LDHAL6A: variants seen among roughly 807,000 people sequenced by gnomAD.
LDHAL6A encodes the protein L-lactate dehydrogenase A-like 6A.
In LDHAL6A, 19 loss-of-function variants were observed where a neutral mutation model predicts 28.2. That is an observed-to-expected ratio of 0.67 (90% confidence interval 0.47 to 0.99). The LOEUF is 0.99. LDHAL6A is among the 50% of genes least tolerant of loss of function. LDHAL6A has a pLI of 0.00. For missense variants in LDHAL6A, 372 were observed against 398.6 expected (o/e 0.93, Z 0.57); for synonymous variants, 144 against 134.4 (o/e 1.07, Z -0.49).
At chr11:18,457,774 CAGG>C (rs1848795345) in intron 1 of LDHAL6A, among the ~76,000 whole-genome samples, 1 of 152,114 alleles carries the variant, frequency 6.6e-6, no homozygotes, top group Admixed American at 6.6e-5. Flanking sequence ...TGGCCTCAAG[CAGG>C]AGGTCTCGGC....
intron 3 of LDHAL6A, among the ~76,000 whole-genome samples, chr11:18,471,405 T>C (rs984230683): frequency 6.6e-6 from 1 of 151,772 alleles, no homozygotes; most frequent in Non-Finnish European, 1.5e-5. Flanking sequence ...AGCTGGAGTT[T>C]TGCCATGTTG....
At chr11:18,462,699 G>A (rs1297168419) in intron 1 of LDHAL6A, among the ~76,000 whole-genome samples, 4 of 150,386 alleles carry the variant, frequency 2.7e-5, no homozygotes, top group Non-Finnish European at 4.4e-5. Context: ...TGGGCATGGT[G>A]GTGCATGCCT....
intron 3 of LDHAL6A, chr11:18,468,239 C>G (rs1429709673): frequency 1.3e-5 from 2 of 150,294 alleles, no homozygotes; most frequent in Non-Finnish European, 3.0e-5. Flanking sequence ...CCAGTATTTT[C>G]TCTTTGGCTT....
At chr11:18,473,215 A>G (rs980570182) in intron 3 of LDHAL6A, among the ~76,000 whole-genome samples, 2 of 152,236 alleles carry the variant, frequency 1.3e-5, no homozygotes. Flanking sequence ...GTAAACATGT[A>G]TCAAAGAGAT....
At chr11:18,461,225 A>G (rs1489465889) in intron 1 of LDHAL6A, among the ~76,000 whole-genome samples, 1 of 150,390 alleles carries the variant, frequency 6.6e-6, no homozygotes, top group Non-Finnish European at 1.5e-5. Flanking sequence ...GCTCACTTCA[A>G]CCTCTGCCTC....
chr11:18,462,434 A>C (rs149110333), intron 1 of LDHAL6A, among the ~76,000 whole-genome samples: 2 of 151,502 alleles, frequency 1.3e-5, no homozygotes, highest in South Asian at 2.1e-4. Context: ...TCAGGAGATC[A>C]AGACCATCCT....
At chr11:18,468,003 G>GTA (rs1158619010) in intron 3 of LDHAL6A, among the ~76,000 whole-genome samples, 18 of 61,586 alleles carry the variant, frequency 2.9e-4, no homozygotes, top group African/African-American at 1.0e-3. Context: ...ATATATATAC[G>GTA]TATATATATA....
chr11:18,478,135 A>T (rs1418292122), intron 6 of LDHAL6A, among the ~76,000 whole-genome samples: 1 of 152,148 alleles, frequency 6.6e-6, no homozygotes, highest in Non-Finnish European at 1.5e-5. Flanking sequence ...AATAATTAGC[A>T]GTTAGTCTCC....
chr11:18,458,272 G>A (rs952841021), intron 1 of LDHAL6A, among the ~76,000 whole-genome samples: 1 of 152,160 alleles, frequency 6.6e-6, no homozygotes, highest in Admixed American at 6.5e-5. Context: ...AGAAGGGCAG[G>A]AGTGCATTCC....
At chr11:18,478,566 A>C (rs1849451683) in intron 6 of LDHAL6A, 140 bp from the exon 7 acceptor site, 1 of 645,276 alleles carries the variant, frequency 1.5e-6, no homozygotes, top group Non-Finnish European at 2.6e-6. Context: ...TCTCAAAAAA[A>C]AAAGAAAAAA....
intron 3 of LDHAL6A, among the ~76,000 whole-genome samples, chr11:18,474,357 G>C (rs867716917): frequency 2.6e-5 from 4 of 151,906 alleles, no homozygotes; most frequent in African/African-American, 7.3e-5. Flanking sequence ...GATTACAGGC[G>C]TGAGTCACCA....
intron 5 of LDHAL6A, chr11:18,476,838 C>T (rs1267486506): frequency 6.3e-6 from 1 of 158,526 alleles, no homozygotes; most frequent in African/African-American, 2.4e-5. Context: ...GTACTTGTAA[C>T]TCAAATGTTT....
chr11:18,471,117 AG>A (rs1849247931), intron 3 of LDHAL6A, among the ~76,000 whole-genome samples: 1 of 151,958 alleles, frequency 6.6e-6, no homozygotes, highest in African/African-American at 2.4e-5. Flanking sequence ...GCAATTAGTA[AG>A]GGTTTCTTAT....
rs757519126 is a variant in LDHAL6A at position 18,465,798 on chromosome 11, G to C, written c.406G>C (p.Val136Leu). The change falls in exon 3 of 7, where the codon GTT (valine) becomes CTT (leucine). Residue 136 changes from valine to leucine, a missense_variant. Around this residue, in one of 3 missense-constraint regions of LDHAL6A, gnomAD observed 291 missense variants for 302.9 expected, o/e 0.96. Coordinates refer to ENST00000280706, the MANE Select transcript of LDHAL6A (RefSeq NM_144972.5). ...CAGTCCTCACTGCAAACTGCTTATT[G>C]TTACTAATCCAGGTCAGCTTTGTTG... The part of the protein sequence containing the change: ...QYSPHCKLLI[V>L]TNPVDILTYV... 3.1e-6 allele frequency: 5 copies of C among 1,611,742 alleles called. No homozygotes were observed. Among genetic ancestry groups the C allele is most frequent in the Non-Finnish European group, 4.2e-6 (5 of 1,179,022 alleles).
At chr11:18,469,119 G>C in intron 3 of LDHAL6A, 2 of 506,030 alleles carry the variant, frequency 4.0e-6, no homozygotes, top group Non-Finnish European at 7.0e-6. Flanking sequence ...TGTCATTTTT[G>C]AAAGGAGAGC....
chr11:18,469,269 A>T, intron 3 of LDHAL6A: 1 of 566,864 alleles, frequency 1.8e-6, no homozygotes, highest in Non-Finnish European at 3.1e-6. Context: ...TGAATCCCCA[A>T]CCTACTTTGA....
At position 18,456,421 on chromosome 11, in the gene LDHAL6A, T is replaced by G; in HGVS notation, c.-260T>G. ...CTGTTCCTTTCCTCTCTCTCTCTCT[T>G]AATTCCTCTTAACTGTACTCACGCT... is the stretch of plus-strand genomic sequence containing the variant. On this transcript the variant is annotated 5_prime_UTR_variant, in exon 1 of 7. Coordinates refer to ENST00000280706, the MANE Select transcript of LDHAL6A (RefSeq NM_144972.5). 2.6e-6 allele frequency: 1 copy of G among 382,212 alleles called. No individual in the cohort carries two copies. Among genetic ancestry groups the G allele is most frequent in the Non-Finnish European group, 4.7e-6 (1 of 214,400 alleles). 23.7% of individuals were successfully genotyped at this position (382,212 alleles called of 1,614,324 possible).
chr11:18,474,322 C>T (rs1181425073), intron 3 of LDHAL6A, among the ~76,000 whole-genome samples: 1 of 151,734 alleles, frequency 6.6e-6, no homozygotes. Context: ...CGTGATCCAC[C>T]CGCCTCGGCC....
In LDHAL6A at chr11:18,467,966, TAC is replaced by T. The variant is rs1370854418; in HGVS notation, c.418+2157_418+2158del. Among the ~76,000 whole-genome samples, 4 of 15,276 alleles carry T rather than the reference TAC, an allele frequency of 2.6e-4. 1 individual carries two copies. The highest frequency in any genetic ancestry group is 4.2e-4 in the African/African-American group (3 of 7,182). 10.0% of individuals were successfully genotyped at this position (15,276 alleles called of 152,430 possible). A position where few individuals can be genotyped will look rare whatever the true frequency, so the allele number is the denominator to read the frequency against. ...ACACATATATATATACGTATATATA[TAC>T]GTATATATATACGTATATATATGCA... On this transcript the variant is annotated intron_variant, in intron 3 of 6. Transcript: ENST00000280706.
Sources: allele counts gnomAD v4.1 joint callset (sites outside exome capture counted in the v4.1 genomes callset), GRCh38; gene constraint gnomAD v4.1.1; regional missense constraint gnomAD v4.1.1; transcripts MANE v1.5; gene names NCBI Gene and HGNC (gene_info 2026-07-23, HGNC 2026-07-21).